Variants in MRPL48 observed in about 807,000 individuals in gnomAD.
The protein encoded by MRPL48 is mitochondrial ribosomal protein L48, also known as large ribosomal subunit protein mL48.
MRPL48 carries 16 observed loss-of-function variants against 32.9 expected under a neutral mutation model. That is an observed-to-expected ratio of 0.49 (90% CI 0.33 to 0.74). The LOEUF (loss-of-function observed/expected upper bound fraction) is 0.74. Ranked by LOEUF, MRPL48 falls within the 30% of genes least tolerant of loss-of-function variation. The pLI is 0.02. For synonymous variants in MRPL48, 94 were observed against 89.2 expected, an observed-to-expected ratio of 1.05 and a Z score of -0.31; for missense variants, 206 against 245.3, an observed-to-expected ratio of 0.84 and a Z score of 1.07.
intron 1 of MRPL48, among the ~76,000 whole-genome samples, chr11:73,790,062 ATTTTTT>A (rs34534770): frequency 1.9e-5 from 2 of 103,816 alleles, no homozygotes; most frequent in African/African-American, 7.5e-5. Context: ...TGCTCAGCTA[ATTTTTT>A]TTTTTTTTTT....
chr11:73,791,400 G>A (rs1947150185), intron 1 of MRPL48, among the ~76,000 whole-genome samples: 1 of 151,878 alleles, frequency 6.6e-6, no homozygotes, highest in African/African-American at 2.4e-5. Flanking sequence ...TTGTGGGTAT[G>A]CAACTATATT....
At chr11:73,851,311 A>T in intron 5 of MRPL48, 1 of 239,084 alleles carries the variant, frequency 4.2e-6, no homozygotes, top group Non-Finnish European at 8.6e-6. Flanking sequence ...GCACAGAACC[A>T]GTAACTTGCC....
intron 1 of MRPL48, among the ~76,000 whole-genome samples, chr11:73,789,904 T>C (rs1006794436): frequency 4.0e-5 from 6 of 151,876 alleles, no homozygotes; most frequent in Admixed American, 6.6e-5. Flanking sequence ...CTAGGCTTTG[T>C]TTTTGTTTAG....
chr11:73,802,110 A>T (rs1324781134), intron 1 of MRPL48: 1 of 152,206 alleles, frequency 6.6e-6, no homozygotes, highest in Non-Finnish European at 1.5e-5. Flanking sequence ...GCAGATCCTC[A>T]GCAACGTCTG....
intron 1 of MRPL48, 77 bp downstream of exon 1, chr11:73,788,069 A>G (rs1947075039): frequency 1.3e-6 from 2 of 1,577,506 alleles, no homozygotes; most frequent in Non-Finnish European, 1.7e-6. Flanking sequence ...GAGGGTGCAG[A>G]GCGGGGAGGT....
At chr11:73,807,597 C>A (rs1332127477) in intron 2 of MRPL48, among the ~76,000 whole-genome samples, 3 of 148,010 alleles carry the variant, frequency 2.0e-5, no homozygotes, top group South Asian at 2.2e-4. Context: ...GTTTAAGATA[C>A]ATTTTCAGTC....
chr11:73,833,323 A>G (rs1309436137), intron 4 of MRPL48, among the ~76,000 whole-genome samples: 3 of 151,650 alleles, frequency 2.0e-5, no homozygotes, highest in Non-Finnish European at 4.4e-5. Flanking sequence ...TGCCTGTGCC[A>G]TTAGAGCTCC....
Position 73,808,269 on chromosome 11 carries a change from A to G in MRPL48, c.75-44A>G, listed in dbSNP as rs773496187. The G allele has an allele frequency of 3.9e-6, 6 of 1,545,842 alleles. No homozygotes were observed. In the Admixed American group the frequency reaches 9.5e-5, roughly 25 times the overall value. On this transcript the variant is annotated intron_variant, in intron 2 of 7. Coordinates refer to ENST00000310614, the MANE Select transcript of MRPL48 (RefSeq NM_016055.6). ...ATTTTGCAAACTATGCAAATAAAAT[A>G]TGGGTTTCTAATTGTATTGAACATA...
chr11:73,823,013 A>C, intron 3 of MRPL48: 2 of 452,788 alleles, frequency 4.4e-6, no homozygotes, highest in South Asian at 3.1e-5. Flanking sequence ...TCACCCCCAG[A>C]TGGGACTGTC....
At chr11:73,808,902 G>C (rs1282011371) in intron 3 of MRPL48, among the ~76,000 whole-genome samples, 3 of 151,008 alleles carry the variant, frequency 2.0e-5, no homozygotes, top group Admixed American at 6.6e-5. Flanking sequence ...CAGCCTGGGG[G>C]ACAAGAGCGA....
At chr11:73,812,418 G>A (rs1027948706) in intron 3 of MRPL48, among the ~76,000 whole-genome samples, 2 of 152,008 alleles carry the variant, frequency 1.3e-5, no homozygotes, top group African/African-American at 4.8e-5. Flanking sequence ...TAAATTCCTG[G>A]AATTGAAATT....
intron 1 of MRPL48, among the ~76,000 whole-genome samples, chr11:73,804,318 C>T (rs1384420567): frequency 2.0e-5 from 3 of 151,516 alleles, no homozygotes; most frequent in Non-Finnish European, 4.4e-5. Flanking sequence ...ATTTTATGGC[C>T]CAGGCTGGAG....
chr11:73,788,172 A>G (rs1329997450), intron 1 of MRPL48, among the ~76,000 whole-genome samples, 180 bp downstream of exon 1: 1 of 152,084 alleles, frequency 6.6e-6, no homozygotes, highest in African/African-American at 2.4e-5. Context: ...GGGGCTGAGC[A>G]GATTCCTTTC....
At chr11:73,819,412 C>A (rs1947733577) in intron 3 of MRPL48, among the ~76,000 whole-genome samples, 1 of 152,180 alleles carries the variant, frequency 6.6e-6, no homozygotes. Flanking sequence ...CTATGTACTA[C>A]TTAAAGATGG....
At chr11:73,823,263 C>T (rs1170246127) in intron 3 of MRPL48, among the ~76,000 whole-genome samples, 1 of 152,150 alleles carries the variant, frequency 6.6e-6, no homozygotes, top group East Asian at 1.9e-4. Flanking sequence ...CTTCTTCACA[C>T]CATCTTGTGT....
chr11:73,801,023 C>G (rs1040137017), intron 1 of MRPL48, among the ~76,000 whole-genome samples: 3 of 151,934 alleles, frequency 2.0e-5, no homozygotes, highest in African/African-American at 7.3e-5. Flanking sequence ...GTTGGTCAGG[C>G]TGGTCTCAAA....
At chr11:73,826,774 C>CTT (rs71065041) in intron 4 of MRPL48, among the ~76,000 whole-genome samples, 34 of 108,932 alleles carry the variant, frequency 3.1e-4, no homozygotes, top group Non-Finnish European at 4.0e-4. Context: ...ACTGTATTTT[C>CTT]TTTTTTTTTT....
intron 4 of MRPL48, among the ~76,000 whole-genome samples, chr11:73,836,082 C>T (rs1350325858): frequency 2.0e-5 from 3 of 150,910 alleles, no homozygotes; most frequent in East Asian, 2.0e-4. Context: ...TACAGGTGTG[C>T]ACCTCCATGC....
intron 4 of MRPL48, among the ~76,000 whole-genome samples, chr11:73,828,770 T>TA (rs980351263): frequency 6.6e-6 from 1 of 151,490 alleles, no homozygotes; most frequent in African/African-American, 2.4e-5. Context: ...TTTTTTTTTT[T>TA]AAATACTAAG....
Sources: allele counts gnomAD v4.1 joint callset (sites outside exome capture counted in the v4.1 genomes callset), GRCh38; gene constraint gnomAD v4.1.1; transcripts MANE v1.5; gene names NCBI Gene and HGNC (gene_info 2026-07-23, HGNC 2026-07-21).